FAM120B: variants seen among roughly 807,000 people sequenced by gnomAD.
FAM120B encodes family with sequence similarity 120 member B, also known as constitutive coactivator of peroxisome proliferator-activated receptor gamma.
FAM120B carries 83 observed loss-of-function variants against 96.3 expected under a neutral mutation model. The observed-to-expected ratio is 0.86, with a 90% CI of 0.72 to 1.03. The LOEUF (loss-of-function observed/expected upper bound fraction) is 1.03. Ranked by LOEUF, FAM120B falls within the 50% of genes least tolerant of loss-of-function variation. The pLI is 0.00. For missense variants in FAM120B, 1,027 were observed against 1,121.2 expected, an observed-to-expected ratio of 0.92 and a Z score of 1.20; for synonymous variants, 407 against 402.7, an observed-to-expected ratio of 1.01 and a Z score of -0.13.
intron 3 of FAM120B, among the ~76,000 whole-genome samples, chr6:170,329,963 C>T (rs1182381688): frequency 2.0e-5 from 3 of 152,182 alleles, no homozygotes; most frequent in Admixed American, 6.5e-5. Flanking sequence ...CATCTAGGGA[C>T]ACCACCTCTT....
chr6:170,322,175 T>A (rs1162243281), intron 2 of FAM120B, among the ~76,000 whole-genome samples: 4 of 152,244 alleles, frequency 2.6e-5, no homozygotes, highest in African/African-American at 4.8e-5. Flanking sequence ...TGTCTTGACA[T>A]TACAGAGGAG....
upstream of FAM120B, among the ~76,000 whole-genome samples, chr6:170,303,727 A>G (rs947334048): frequency 6.6e-6 from 1 of 152,216 alleles, no homozygotes; most frequent in Non-Finnish European, 1.5e-5. Flanking sequence ...AAATAATTAT[A>G]ACACCCCTTT....
chr6:170,320,679 A>G (rs1487989029), intron 2 of FAM120B, among the ~76,000 whole-genome samples: 1 of 152,254 alleles, frequency 6.6e-6, no homozygotes, highest in African/African-American at 2.4e-5. Flanking sequence ...TCGTAGTGAA[A>G]TATGGACCTA....
intron 6 of FAM120B, among the ~76,000 whole-genome samples, chr6:170,382,215 G>A (rs1048261377): frequency 6.6e-6 from 1 of 152,060 alleles, no homozygotes; most frequent in African/African-American, 2.4e-5. Flanking sequence ...AAACCAAGAA[G>A]TTCAAGACCA....
At position 170,330,475 on chromosome 6, in the gene FAM120B, A is replaced by T; in HGVS notation, c.1942A>T (p.Lys648Ter). The change falls in exon 4 of 11, where the codon AAG (lysine) becomes TAG (stop). Residue 648 changes from lysine (K) to a stop codon, truncating the protein, a stop_gained. Transcript: ENST00000476287. LOFTEE classifies it high-confidence loss of function. ...QDVTSTCLAV[K>*]EWFVYPGNPL... The stretch of plus-strand genomic sequence containing the variant: ...TGTCACCAGCACCTGCCTAGCTGTC[A>T]AGGAGTGGTTTGTGTATCCTGGGAA... 1 of 1,614,118 alleles carries T rather than the reference A, an allele frequency of 6.2e-7. No homozygotes were observed. Among genetic ancestry groups the T allele is most frequent in the Non-Finnish European group, 8.5e-7 (1 of 1,180,006 alleles).
chr6:170,378,336 G>C (rs1182221479), intron 6 of FAM120B, among the ~76,000 whole-genome samples: 2 of 152,086 alleles, frequency 1.3e-5, no homozygotes, highest in Non-Finnish European at 2.9e-5. Context: ...AGAGCCCAAG[G>C]CTTTTGATTT....
chr6:170,324,242 G>A (rs575065842), intron 3 of FAM120B, among the ~76,000 whole-genome samples: 6 of 152,290 alleles, frequency 3.9e-5, no homozygotes, highest in Non-Finnish European at 7.4e-5. Context: ...GGGCTCAGGG[G>A]TAGTGGGGTT....
chr6:170,329,463 C>T (rs534653910), intron 3 of FAM120B, among the ~76,000 whole-genome samples: 6 of 152,292 alleles, frequency 3.9e-5, no homozygotes, highest in Non-Finnish European at 8.8e-5. Context: ...CACAAACGAC[C>T]ACCCCCACTG....
chr6:170,309,411 C>T (rs1370090821), intron 1 of FAM120B, among the ~76,000 whole-genome samples: 6 of 152,176 alleles, frequency 3.9e-5, no homozygotes, highest in Non-Finnish European at 5.9e-5. Context: ...TTCAGCTGTA[C>T]AGTAAATCAG....
chr6:170,362,608 A>G (rs1469670662), intron 6 of FAM120B, among the ~76,000 whole-genome samples: 1 of 152,066 alleles, frequency 6.6e-6, no homozygotes, highest in Non-Finnish European at 1.5e-5. Context: ...GTGCACTCAC[A>G]TGGTGTGTGC....
chr6:170,343,323 C>G (rs1786963978), intron 4 of FAM120B, among the ~76,000 whole-genome samples: 1 of 150,990 alleles, frequency 6.6e-6, no homozygotes, highest in Non-Finnish European at 1.5e-5. Context: ...TGAGGATGTT[C>G]CGTTGTGGTA....
intron 7 of FAM120B, among the ~76,000 whole-genome samples, chr6:170,389,459 G>A (rs1043546046): frequency 1.1e-4 from 16 of 152,040 alleles, no homozygotes; most frequent in African/African-American, 2.7e-4. Flanking sequence ...TAGGTAGGGC[G>A]AGCAGTATCA....
intron 6 of FAM120B, among the ~76,000 whole-genome samples, chr6:170,387,053 G>A (rs991752674): frequency 3.3e-5 from 5 of 152,192 alleles, no homozygotes; most frequent in African/African-American, 9.6e-5. Flanking sequence ...GCTTCTGTAG[G>A]AAATACACTT....
upstream of FAM120B, among the ~76,000 whole-genome samples, chr6:170,294,774 C>T (rs1207999896): frequency 6.6e-6 from 1 of 152,164 alleles, no homozygotes; most frequent in Non-Finnish European, 1.5e-5. The surrounding 1 kb of genome is among the most constrained non-coding windows in gnomAD (Gnocchi z 7.9). Flanking sequence ...GACTCTAGGC[C>T]AGCCACAGGT....
intron 6 of FAM120B, among the ~76,000 whole-genome samples, chr6:170,375,279 G>T (rs974322350): frequency 6.6e-6 from 1 of 152,226 alleles, no homozygotes. Flanking sequence ...ATAGGCAACA[G>T]GGCCTCACAA....
intron 1 of FAM120B, among the ~76,000 whole-genome samples, chr6:170,296,564 C>T (rs1181276331): frequency 6.6e-6 from 1 of 151,738 alleles, no homozygotes; most frequent in Non-Finnish European, 1.5e-5. Flanking sequence ...CCCACCTCAC[C>T]GGGTGCAGCC....
rs1400160878 is a variant in FAM120B at position 170,391,064 on chromosome 6, T to C, written c.2542T>C (p.Cys848Arg). Reference sequence around the variant, plus strand: ...CCTGAAGGCAGTCGTCTGCAAGGCCTGCATGAAGGAGAACAGACGCATCAC... The same window carrying C: ...CCTGAAGGCAGTCGTCTGCAAGGCCCGCATGAAGGAGAACAGACGCATCAC... ...HNLKAVVCKA[C>R]MKENRRITGR... The change falls in exon 8 of 11, where the codon TGC becomes CGC. Residue 848 changes from cysteine (C) to arginine (R), a missense_variant. This residue lies in a region of FAM120B where 142 missense variants were observed against 122.5 expected (regional missense o/e 1.16). Coordinates refer to ENST00000476287, the MANE Select transcript of FAM120B (RefSeq NM_032448.3). 6.2e-7 allele frequency: 1 copy of C among 1,614,142 alleles called. No homozygotes were observed.
chr6:170,360,337 G>C (rs1037147332), intron 6 of FAM120B, among the ~76,000 whole-genome samples: 1 of 152,250 alleles, frequency 6.6e-6, no homozygotes, highest in South Asian at 2.1e-4. Flanking sequence ...ACTGTTCTTC[G>C]TAGGCATTTA....
chr6:170,366,519 G>A (rs1021924450), intron 6 of FAM120B, among the ~76,000 whole-genome samples: 8 of 152,214 alleles, frequency 5.3e-5, no homozygotes, highest in Non-Finnish European at 7.3e-5. Context: ...GCGCACCTGA[G>A]TGGGGTTCCC....
Sources: gnomAD v4.1 joint callset for allele counts (sites outside exome capture counted in the v4.1 genomes callset) on GRCh38, gnomAD v4.1.1 for gene constraint, gnomAD v4.1.1 regional missense constraint, Gnocchi (gnomAD v3.1) non-coding constraint, MANE v1.5 for transcripts, NCBI Gene and HGNC (gene_info 2026-07-23, HGNC 2026-07-21) for gene names.